CAMKMT: variants seen among roughly 807,000 people sequenced by gnomAD.
The protein encoded by CAMKMT is CaM KMT.
CAMKMT carries 53 observed loss-of-function variants against 48.0 expected under a neutral mutation model. That is an observed-to-expected ratio of 1.10 (90% confidence interval 0.89 to 1.39). The LOEUF (loss-of-function observed/expected upper bound fraction) is 1.39. Among genes scored for constraint, CAMKMT ranks in the 40% most tolerant of loss-of-function variants. The pLI, the probability that CAMKMT is intolerant of heterozygous loss-of-function variation, is 0.00. For synonymous variants in CAMKMT, 165 were observed against 152.3 expected (o/e 1.08, Z -0.61); for missense variants, 428 against 402.7 (o/e 1.06, Z -0.54).
chr2:44,737,136 G>GA (rs1463962616), intron 7 of CAMKMT, among the ~76,000 whole-genome samples: 1 of 152,116 alleles, frequency 6.6e-6, no homozygotes, highest in East Asian at 1.9e-4. Context: ...TTGTTTTAGA[G>GA]ACAGAGTCTC....
chr2:44,771,092 C>A (rs905938420), intron 10 of CAMKMT, among the ~76,000 whole-genome samples: 1 of 152,148 alleles, frequency 6.6e-6, no homozygotes, highest in South Asian at 2.1e-4. Context: ...AGTTAACATG[C>A]CCCAGAGGGA....
chr2:44,708,515 TA>T (rs758675405), intron 6 of CAMKMT, among the ~76,000 whole-genome samples: 3 of 151,760 alleles, frequency 2.0e-5, no homozygotes, highest in South Asian at 2.1e-4. Context: ...CTGACAGACT[TA>T]AAAAAAATTC....
In CAMKMT at chr2:44,685,072, C is replaced by T. The variant is rs181137512; in HGVS notation, c.377-19211C>T. ...TCATGTGCATCGTGTAAACATGCCCCCGAGAAGAAAACAATGAGGTCCCTG... is the reference window on the plus strand; with the variant it reads ...TCATGTGCATCGTGTAAACATGCCCTCGAGAAGAAAACAATGAGGTCCCTG... On this transcript the variant is annotated intron_variant, in intron 3 of 10. Transcript: ENST00000378494. 7.1e-4 allele frequency among the ~76,000 whole-genome samples: 107 copies of T among 151,656 alleles called. 1 individual carries two copies. Among genetic ancestry groups the T allele is most frequent in the Non-Finnish European group, 1.4e-3 (93 of 67,928 alleles).
intron 3 of CAMKMT, among the ~76,000 whole-genome samples, chr2:44,498,033 G>A (rs1034046915): frequency 6.6e-5 from 10 of 152,246 alleles, no homozygotes; most frequent in African/African-American, 2.4e-4. Flanking sequence ...ATCATGGAGT[G>A]TAGTTAGGAT....
chr2:44,364,062 A>G (rs1326359874), intron 1 of CAMKMT, among the ~76,000 whole-genome samples: 13 of 122,466 alleles, frequency 1.1e-4, no homozygotes, highest in African/African-American at 3.8e-4. Flanking sequence ...CTTGTTGCCC[A>G]GGCAGGTAAC....
intron 3 of CAMKMT, among the ~76,000 whole-genome samples, chr2:44,463,310 C>T (rs1667941886): frequency 6.6e-6 from 1 of 152,132 alleles, no homozygotes; most frequent in South Asian, 2.1e-4. Flanking sequence ...GCTCCAGAAG[C>T]CAGTTGTGAA....
chr2:44,684,686 A>G (rs1676236850), intron 3 of CAMKMT, among the ~76,000 whole-genome samples: 1 of 152,166 alleles, frequency 6.6e-6, no homozygotes, highest in Non-Finnish European at 1.5e-5. Context: ...AAGATGGCCT[A>G]TTGAATGTGG....
chr2:44,770,676 G>T (rs929457280), intron 10 of CAMKMT, among the ~76,000 whole-genome samples: 1 of 152,012 alleles, frequency 6.6e-6, no homozygotes, highest in Non-Finnish European at 1.5e-5. Context: ...GGTAAGTCCC[G>T]GTCAGTGGGT....
rs544982242 is a variant in CAMKMT, at chr2:44,711,360, G to T, written c.556+3898G>T. Among the ~76,000 whole-genome samples the T allele has an allele frequency of 5.2e-4, 79 of 152,214 alleles. 1 individual carries two copies. Among genetic ancestry groups the T allele is most frequent in the Admixed American group, 1.1e-3 (17 of 15,282 alleles). On this transcript the variant is annotated intron_variant, in intron 6 of 10. Coordinates refer to ENST00000378494, the MANE Select transcript of CAMKMT (RefSeq NM_024766.5). ...CAAGATAGGTCTAGTACCTATCCTT[G>T]TGGGGCACAGATTTTGCCTTGGCTA...
At chr2:44,740,509 T>G (rs1679618204) in intron 7 of CAMKMT, among the ~76,000 whole-genome samples, 1 of 152,032 alleles carries the variant, frequency 6.6e-6, no homozygotes, top group African/African-American at 2.4e-5. Context: ...GTGTCAGAAT[T>G]TTGAAGGGAG....
At chr2:44,492,035 G>A (rs2104715325) in intron 3 of CAMKMT, among the ~76,000 whole-genome samples, 1 of 152,268 alleles carries the variant, frequency 6.6e-6, no homozygotes, top group East Asian at 1.9e-4. Context: ...CTGCAGATGT[G>A]AGACTCATCT....
At chr2:44,466,871 A>G (rs1160580902) in intron 3 of CAMKMT, among the ~76,000 whole-genome samples, 4 of 152,202 alleles carry the variant, frequency 2.6e-5, no homozygotes, top group East Asian at 1.9e-4. Context: ...AGAGACTACT[A>G]TGAACAATTA....
Position 44,657,185 on chromosome 2 carries a change from G to T in CAMKMT, c.377-47098G>T, listed in dbSNP as rs774311063. Among the ~76,000 whole-genome samples, 1 of 152,170 alleles carries T rather than the reference G, an allele frequency of 6.6e-6. No individual in the cohort carries two copies. The highest frequency in any genetic ancestry group is 1.5e-5 in the Non-Finnish European group (1 of 68,036). ...ATGAGAGCCATATGAAGGCCATCCC[G>T]TGGAGAGGTCAGGACCTCTCAGAGT... On this transcript the variant is annotated intron_variant, in intron 3 of 10. Coordinates refer to ENST00000378494, the MANE Select transcript of CAMKMT (RefSeq NM_024766.5). The surrounding 1 kb of genome is among the most constrained non-coding windows in gnomAD (Gnocchi z 4.3).
intron 3 of CAMKMT, among the ~76,000 whole-genome samples, chr2:44,424,930 AAG>A (rs1350917016): frequency 6.6e-6 from 1 of 152,204 alleles, no homozygotes; most frequent in East Asian, 1.9e-4. Flanking sequence ...AAATTAGAAA[AAG>A]AACACAGAGT....
chr2:44,562,103 GTATTC>G (rs994268891), intron 3 of CAMKMT, among the ~76,000 whole-genome samples: 1 of 152,104 alleles, frequency 6.6e-6, no homozygotes. Flanking sequence ...GTTTATTGGG[GTATTC>G]TGCCAAGGGC....
chr2:44,760,610 C>CAAA (rs1162341532), intron 9 of CAMKMT, among the ~76,000 whole-genome samples: 3 of 60,338 alleles, frequency 5.0e-5, no homozygotes, highest in East Asian at 1.2e-3. Flanking sequence ...GATTCCATCT[C>CAAA]AAAAAAAAAA....
chr2:44,476,454 T>A (rs1668693887), intron 3 of CAMKMT, among the ~76,000 whole-genome samples: 2 of 152,150 alleles, frequency 1.3e-5, no homozygotes, highest in Non-Finnish European at 2.9e-5. Flanking sequence ...CTGAGTCCTT[T>A]TCTTGCTGTG....
At chr2:44,757,412 T>G (rs992139465) in intron 9 of CAMKMT, among the ~76,000 whole-genome samples, 2 of 152,202 alleles carry the variant, frequency 1.3e-5, no homozygotes, top group Admixed American at 6.5e-5. Flanking sequence ...CCAAATCTGG[T>G]CTCTGCCACT....
intron 3 of CAMKMT, among the ~76,000 whole-genome samples, chr2:44,508,058 T>C (rs1284670851): frequency 6.6e-6 from 1 of 152,174 alleles, no homozygotes; most frequent in African/African-American, 2.4e-5. Flanking sequence ...AGTAAAAACG[T>C]TGTGGTAATG....
Sources: gnomAD v4.1 joint callset for allele counts (sites outside exome capture counted in the v4.1 genomes callset) on GRCh38, gnomAD v4.1.1 for gene constraint, Gnocchi (gnomAD v3.1) non-coding constraint, MANE v1.5 for transcripts, NCBI Gene and HGNC (gene_info 2026-07-23, HGNC 2026-07-21) for gene names.